Variants in AATK observed in about 807,000 individuals in gnomAD.
AATK encodes serine/threonine-protein kinase LMTK1.
AATK carries 91 observed loss-of-function variants against 114.3 expected under a neutral mutation model. The observed-to-expected ratio is 0.80, with a 90% CI of 0.67 to 0.95. The LOEUF (loss-of-function observed/expected upper bound fraction) is 0.95. Among genes scored for constraint, AATK ranks in the 40% least tolerant of loss-of-function variants. The pLI is 0.00. For synonymous variants in AATK, 1,075 were observed against 916.5 expected (o/e 1.17, Z -3.12); for missense variants, 2,176 against 1,965.2 (o/e 1.11, Z -2.03).
rs12051677 is a variant in AATK at position 81,126,207 on chromosome 17, A to T, written c.755+220T>A. 6.6e-6 allele frequency among the ~76,000 whole-genome samples: 1 copy of T among 151,756 alleles called. No homozygotes were observed. The highest frequency in any genetic ancestry group is 6.6e-5 in the Admixed American group (1 of 15,230). On this transcript the variant is annotated intron_variant, in intron 7 of 13. Transcript: ENST00000326724. This position sits in a 1 kb window ranked among gnomAD's most constrained non-coding sequence, Gnocchi z 5.1. ...AGAACAGGCCAGCTTGACAGTACGC[A>T]TCTCTTCGTCTAAACCTGCAAAGTG...
intron 2 of AATK, chr17:81,131,785 G>A: frequency 8.1e-7 from 1 of 1,230,892 alleles, no homozygotes; most frequent in South Asian, 1.4e-5. Flanking sequence ...ATCACCCCCT[G>A]CCCCACAGTC....
chr17:81,120,228 G>A lies in AATK; in HGVS notation c.3708C>T (p.Asp1236=), dbSNP rs1263699041. 1.3e-6 allele frequency: 2 copies of A among 1,587,350 alleles called. No individual in the cohort carries two copies. The highest frequency in any genetic ancestry group is 1.7e-4 in the Middle Eastern group (1 of 5,984). The part of the protein sequence containing the change: ...ERKKKAVSFF[D]DVTVYLFDQE... Reference sequence around the variant, plus strand: ...GGTCAAAGAGGTAGACGGTGACGTCGTCGAAGAAGGACACGGCCTTCTTCT... The same window carrying A: ...GGTCAAAGAGGTAGACGGTGACGTCATCGAAGAAGGACACGGCCTTCTTCT... The change falls in exon 11 of 14, where the codon GAC becomes GAT. Residue 1236 remains aspartate, a synonymous_variant. Coordinates refer to ENST00000326724, the MANE Select transcript of AATK (RefSeq NM_001080395.3).
intron 2 of AATK, chr17:81,132,665 G>C: frequency 1.3e-5 from 4 of 316,098 alleles, no homozygotes; most frequent in Middle Eastern, 4.1e-4. Context: ...CCTGCTGCCC[G>C]GGGGCCAGCC....
Position 81,127,577 on chromosome 17 carries a change from G to A in AATK, c.621+6C>T. On this transcript the variant is annotated splice_donor_region_variant and intron_variant, in intron 6 of 13. Coordinates refer to ENST00000326724, the MANE Select transcript of AATK (RefSeq NM_001080395.3). ...GACCCCAGCATCCCCCCGGGCAGCA[G>A]CTCACCAGTGGGCAGAACTCCATCA... 1 of 1,592,404 alleles carries A rather than the reference G, an allele frequency of 6.3e-7. No homozygotes were observed. Among genetic ancestry groups the A allele is most frequent in the Non-Finnish European group, 8.5e-7 (1 of 1,170,268 alleles).
intron 2 of AATK, among the ~76,000 whole-genome samples, chr17:81,132,449 C>A (rs999553189): frequency 9.9e-5 from 15 of 152,214 alleles, no homozygotes; most frequent in Non-Finnish European, 1.2e-4. Flanking sequence ...CCTGCCCTTT[C>A]GGAGCACACA....
chr17:81,122,935 T>A, intron 10 of AATK, 112 bp from the exon 11 acceptor site: 4 of 1,056,890 alleles, frequency 3.8e-6, no homozygotes, highest in Non-Finnish European at 5.2e-6. Context: ...GCATTAAGGG[T>A]ATCTCCCACT....
chr17:81,130,499 C>A (rs891522484), intron 3 of AATK, among the ~76,000 whole-genome samples: 1 of 152,180 alleles, frequency 6.6e-6, no homozygotes, highest in African/African-American at 2.4e-5. Context: ...GTCAGCCCCA[C>A]CCCTCGGCCC....
Position 81,121,146 on chromosome 17 carries a change from C to A in AATK, c.2790G>T (p.Gly930=). 1 of 1,604,334 alleles carries A rather than the reference C, an allele frequency of 6.2e-7. No individual in the cohort carries two copies. The highest frequency in any genetic ancestry group is 8.5e-7 in the Non-Finnish European group (1 of 1,176,284). The change falls in exon 11 of 14, where the codon GGG becomes GGT. Residue 930 remains glycine, a synonymous_variant. Coordinates refer to ENST00000326724, the MANE Select transcript of AATK (RefSeq NM_001080395.3). ...FSPSATGPSG[G]QPRALDSGYD... The stretch of plus-strand genomic sequence containing the variant: ...AGCCACTGTCCAGCGCTCGCGGCTG[C>A]CCTCCAGAGGGGCCAGTGGCCGACG...
intron 1 of AATK, among the ~76,000 whole-genome samples, chr17:81,164,193 G>C (rs1051892982): frequency 1.3e-5 from 2 of 152,232 alleles, no homozygotes; most frequent in Admixed American, 1.3e-4. Flanking sequence ...GAGGTTCACA[G>C]AGGCAAGGCC....
chr17:81,123,469 G>A (rs1458160358), intron 9 of AATK, 126 bp from the exon 10 acceptor site: 2 of 863,274 alleles, frequency 2.3e-6, no homozygotes, highest in Non-Finnish European at 3.1e-6. Context: ...CCGGGGCCTG[G>A]TACCATACCA....
chr17:81,128,576 C>G (rs1017037882), intron 3 of AATK, 27 bp from the exon 4 acceptor site: 8 of 1,548,230 alleles, frequency 5.2e-6, no homozygotes, highest in Admixed American at 2.0e-5. Context: ...GGTTCAGGGA[C>G]CCAGTGTGGC....
chr17:81,121,659 G>C lies in AATK; in HGVS notation c.2277C>G (p.Cys759Trp), dbSNP rs747036680. 7.0e-5 allele frequency: 105 copies of C among 1,498,040 alleles called. No individual in the cohort carries two copies. Among genetic ancestry groups the C allele is most frequent in the Non-Finnish European group, 9.1e-5 (103 of 1,127,842 alleles). The allele number at this position is 1,498,040 out of a possible 1,614,324, so 92.8% of individuals were successfully genotyped here. ...TCTCTGTCCAGGAGGGTGTAACCAGGCAGGGAGCAGGTGCCAGGCCCTGGG... is the reference window on the plus strand; with the variant it reads ...TCTCTGTCCAGGAGGGTGTAACCAGCCAGGGAGCAGGTGCCAGGCCCTGGG... ...CSAQGLAPAP[C>W]LVTPSWTETA... Residue 759 changes from cysteine to tryptophan, a missense_variant, in exon 11 of 14, where the codon TGC becomes TGG. Coordinates refer to ENST00000326724, the MANE Select transcript of AATK (RefSeq NM_001080395.3).
chr17:81,135,715 T>C (rs1312005112), intron 1 of AATK: 1 of 152,180 alleles, frequency 6.6e-6, no homozygotes, highest in African/African-American at 2.4e-5. Context: ...GGAGGTGGCG[T>C]GAGCTAGAAG....
Position 81,146,687 on chromosome 17 carries a change from C to T in AATK, c.56-12186G>A, listed in dbSNP as rs545694798. 1.0e-3 allele frequency among the ~76,000 whole-genome samples: 152 copies of T among 152,226 alleles called. 3 individuals are homozygous for T. The South Asian group carries it at 0.031, about 31-fold the overall frequency. On this transcript the variant is annotated intron_variant, in intron 1 of 13. Transcript: ENST00000326724. Reference sequence around the variant, plus strand: ...GCCGCCCAGATCGCACCACTGCACTCCAGCCTGGATGACAGAGCAAGACGC... The same window carrying T: ...GCCGCCCAGATCGCACCACTGCACTTCAGCCTGGATGACAGAGCAAGACGC...
In AATK at chr17:81,127,923, C is replaced by CA; in HGVS notation, c.415-14dup. 1.9e-6 allele frequency: 3 copies of CA among 1,548,292 alleles called. No individual in the cohort carries two copies. Among genetic ancestry groups the CA allele is most frequent in the Non-Finnish European group, 2.6e-6 (3 of 1,146,684 alleles). On this transcript the variant is annotated splice_polypyrimidine_tract_variant and intron_variant, in intron 4 of 13. Coordinates refer to ENST00000326724, the MANE Select transcript of AATK (RefSeq NM_001080395.3). ...CCCCCAGGAACACCTGTGGGACAGA[C>CA]AGCATCACCCACGGCTGCTCCGCCT...
At chr17:81,164,866 C>T (rs2061467633) in intron 1 of AATK, among the ~76,000 whole-genome samples, 1 of 152,214 alleles carries the variant, frequency 6.6e-6, no homozygotes, top group African/African-American at 2.4e-5. Context: ...CACCCACAGC[C>T]CTAAGCCCAG....
intron 2 of AATK, chr17:81,133,426 G>T (rs1172845817): frequency 3.1e-6 from 1 of 326,048 alleles, no homozygotes; most frequent in African/African-American, 2.3e-5. Flanking sequence ...CACTTAGTAG[G>T]AAGGCACCCT....
intron 1 of AATK, among the ~76,000 whole-genome samples, chr17:81,145,700 T>C (rs1362908227): frequency 8.1e-6 from 1 of 122,780 alleles, no homozygotes; most frequent in Non-Finnish European, 1.6e-5. Flanking sequence ...GCCATTGCAC[T>C]CCAGCCTTGG....
chr17:81,124,111 G>C (rs28508360), intron 9 of AATK, among the ~76,000 whole-genome samples: 1 of 152,126 alleles, frequency 6.6e-6, no homozygotes, highest in African/African-American at 2.4e-5. Context: ...GGCCTGGCCC[G>C]TGGGATCTGA....
Sources: gnomAD v4.1 joint callset for allele counts (sites outside exome capture counted in the v4.1 genomes callset) on GRCh38, gnomAD v4.1.1 for gene constraint, Gnocchi (gnomAD v3.1) non-coding constraint, MANE v1.5 for transcripts, NCBI Gene and HGNC (gene_info 2026-07-23, HGNC 2026-07-21) for gene names.